Variants in AMPH observed in about 807,000 individuals in gnomAD.
AMPH encodes amphiphysin, also known as amphiphysin (Stiff-Mann syndrome with breast cancer 128kD autoantigen).
In AMPH, 49 loss-of-function variants were observed where a neutral mutation model predicts 99.1. The ratio of observed to expected loss-of-function variants is 0.49; its 90% CI spans 0.39 to 0.63. The LOEUF (loss-of-function observed/expected upper bound fraction) is 0.63, where lower values mean the gene tolerates loss of function less well. AMPH is among the 20% of genes least tolerant of loss of function. The pLI, the probability that AMPH is intolerant of heterozygous loss-of-function variation, is 0.00. For missense variants in AMPH, 759 were observed against 863.4 expected (o/e 0.88, Z 1.52); for synonymous variants, 314 against 317.3 (o/e 0.99, Z 0.11).
intron 1 of AMPH, among the ~76,000 whole-genome samples, chr7:38,611,130 T>C (rs1019603170): frequency 2.6e-5 from 4 of 152,246 alleles, no homozygotes; most frequent in African/African-American, 9.6e-5. Context: ...GGAATGTGAT[T>C]CCACCTTTAA....
chr7:38,392,073 T>A, intron 18 of AMPH, 56 bp from the exon 19 acceptor site: 1 of 1,570,518 alleles, frequency 6.4e-7, no homozygotes, highest in South Asian at 1.1e-5. Flanking sequence ...CAGAACCTCC[T>A]TGTCCTGCAC....
intron 1 of AMPH, among the ~76,000 whole-genome samples, chr7:38,571,510 A>AATATATATTCTATAAAAT (rs1200699928): frequency 7.3e-6 from 1 of 136,336 alleles, no homozygotes; most frequent in Non-Finnish European, 1.5e-5. Flanking sequence ...TATTCTATAA[A>AATATATATTCTATAAAAT]ATATATATTC....
In AMPH at chr7:38,384,113, C is replaced by CAATGGGATGG. The variant is rs1784287611; in HGVS notation, c.*704_*705insCCATCCCATT. The CAATGGGATGG allele has an allele frequency of 6.6e-6, 1 of 152,182 alleles. No individual in the cohort carries two copies. The highest frequency in any genetic ancestry group is 1.5e-5 in the Non-Finnish European group (1 of 68,082). 9.4% of individuals were successfully genotyped at this position (152,182 alleles called of 1,614,324 possible). On this transcript the variant is annotated 3_prime_UTR_variant, in exon 21 of 21. Transcript: ENST00000356264. Reference sequence around the variant, plus strand: ...AACACAGATACTGTTGACTCTTTTGCCAATGGGATGGCTGGTTTTGCCATT... The same window carrying CAATGGGATGG: ...AACACAGATACTGTTGACTCTTTTGCAATGGGATGGCAATGGGATGGCTGGTTTTGCCATT...
At chr7:38,608,935 T>G (rs755011025) in intron 1 of AMPH, among the ~76,000 whole-genome samples, 1 of 152,210 alleles carries the variant, frequency 6.6e-6, no homozygotes, top group Admixed American at 6.5e-5. Flanking sequence ...TGAGCTAGTG[T>G]CTTTTTGTTG....
chr7:38,552,735 G>A (rs1248170095), intron 1 of AMPH, among the ~76,000 whole-genome samples: 1 of 152,180 alleles, frequency 6.6e-6, no homozygotes, highest in Non-Finnish European at 1.5e-5. Context: ...AATAAGGGAA[G>A]GGAAGAGCTT....
At chr7:38,413,307 T>C (rs1023979514) in intron 17 of AMPH, among the ~76,000 whole-genome samples, 1 of 152,064 alleles carries the variant, frequency 6.6e-6, no homozygotes, top group Non-Finnish European at 1.5e-5. Context: ...AAAACTGACA[T>C]TGCTTTTGAT....
At chr7:38,385,076 G>A (rs1055433306) in intron 20 of AMPH, 151 bp from the exon 21 acceptor site, 3 of 593,326 alleles carry the variant, frequency 5.1e-6, no homozygotes, top group Non-Finnish European at 5.9e-6. Context: ...TCAATGGGAA[G>A]GCCTATCCCA....
At position 38,384,698 on chromosome 7, in the gene AMPH, A is replaced by C; in HGVS notation, c.*120T>G. On this transcript the variant is annotated 3_prime_UTR_variant, in exon 21 of 21. Transcript: ENST00000356264. ...CATGCTCCATTGATACATCTTCCCAAGGTTTGTCTGGCATCAGTCTGTAAA... is the reference window on the plus strand; with the variant it reads ...CATGCTCCATTGATACATCTTCCCACGGTTTGTCTGGCATCAGTCTGTAAA... 1.2e-6 allele frequency: 1 copy of C among 813,862 alleles called. No homozygotes were observed. Among genetic ancestry groups the C allele is most frequent in the Non-Finnish European group, 2.0e-6 (1 of 503,454 alleles). 50.4% of individuals were successfully genotyped at this position (813,862 alleles called of 1,614,324 possible).
At chr7:38,423,814 A>C (rs1177314580) in intron 15 of AMPH, among the ~76,000 whole-genome samples, 2 of 152,200 alleles carry the variant, frequency 1.3e-5, no homozygotes, top group Non-Finnish European at 2.9e-5. Flanking sequence ...TTACAAAGTC[A>C]TCAGACCTCA....
intron 1 of AMPH, among the ~76,000 whole-genome samples, chr7:38,608,609 C>A (rs1437194451): frequency 6.6e-6 from 1 of 152,120 alleles, no homozygotes; most frequent in African/African-American, 2.4e-5. Context: ...TGTATCTCCC[C>A]AATCCTCCAA....
chr7:38,493,168 C>G (rs76080227), intron 4 of AMPH, among the ~76,000 whole-genome samples: 3 of 152,146 alleles, frequency 2.0e-5, no homozygotes, highest in Non-Finnish European at 2.9e-5. Flanking sequence ...CCACTGTTAA[C>G]GCAGGTTTTC....
chr7:38,548,088 G>C (rs1250735177), intron 1 of AMPH, among the ~76,000 whole-genome samples: 2 of 149,314 alleles, frequency 1.3e-5, no homozygotes, highest in African/African-American at 5.0e-5. Flanking sequence ...GAGTGCAGTG[G>C]TGCGATCTCC....
In AMPH at chr7:38,466,191, A is replaced by C; in HGVS notation, c.648T>G (p.Phe216Leu). The C allele has an allele frequency of 6.2e-7, 1 of 1,602,584 alleles. No individual in the cohort carries two copies. The highest frequency in any genetic ancestry group is 8.5e-7 in the Non-Finnish European group (1 of 1,176,688). Reference sequence around the variant, plus strand: ...GACTCACCACCGCAATTTCCTTATGAAACTTGGCTTCAAGGCTGGAGACGT... The same window carrying C: ...GACTCACCACCGCAATTTCCTTATGCAACTTGGCTTCAAGGCTGGAGACGT... ...FKNVSSLEAK[F>L]HKEIAVLCHK... Residue 216 changes from phenylalanine to leucine, a missense_variant, in exon 8 of 21, where the codon TTT becomes TTG. This residue lies in a region of AMPH where 205 missense variants were observed against 287.9 expected (regional missense o/e 0.71). Transcript: ENST00000356264.
chr7:38,397,687 C>A (rs1000047787), intron 17 of AMPH, among the ~76,000 whole-genome samples: 5 of 152,166 alleles, frequency 3.3e-5, no homozygotes, highest in African/African-American at 9.7e-5. Flanking sequence ...TAAAAAGCCT[C>A]TGCACTGCCA....
chr7:38,472,773 G>C (rs903315668), intron 7 of AMPH, among the ~76,000 whole-genome samples: 1 of 152,178 alleles, frequency 6.6e-6, no homozygotes, highest in African/African-American at 2.4e-5. Flanking sequence ...TGAGACATTA[G>C]ATTGATTTCA....
chr7:38,443,873 C>T (rs1431496784), intron 11 of AMPH, among the ~76,000 whole-genome samples: 6 of 150,332 alleles, frequency 4.0e-5, no homozygotes, highest in Non-Finnish European at 7.4e-5. Flanking sequence ...TAAAAGGCAC[C>T]GAGATTGCAA....
intron 11 of AMPH, among the ~76,000 whole-genome samples, chr7:38,445,103 T>TATACACATATATACATGGTATA (rs1562760151): frequency 1.8e-4 from 27 of 149,996 alleles, no homozygotes; most frequent in African/African-American, 6.4e-4. Flanking sequence ...TACATATATA[T>TATACACATATATACATGGTATA]TAGATAGATA....
intron 14 of AMPH, chr7:38,428,137 T>C (rs1255742990): frequency 4.4e-6 from 2 of 456,788 alleles, no homozygotes; most frequent in South Asian, 1.5e-5. Context: ...GTATCTCTGA[T>C]AGGCCAGTGG....
intron 7 of AMPH, among the ~76,000 whole-genome samples, chr7:38,471,311 A>G (rs1787876753): frequency 6.6e-6 from 1 of 152,156 alleles, no homozygotes; most frequent in South Asian, 2.1e-4. Context: ...TTATTTTACA[A>G]GATTTACCTC....
Sources: gnomAD v4.1 joint callset for allele counts (sites outside exome capture counted in the v4.1 genomes callset) on GRCh38, gnomAD v4.1.1 for gene constraint, gnomAD v4.1.1 regional missense constraint, MANE v1.5 for transcripts, NCBI Gene and HGNC (gene_info 2026-07-23, HGNC 2026-07-21) for gene names.